Variants in ATP8B4 observed in about 807,000 individuals in gnomAD.
The protein encoded by ATP8B4 is ATPase phospholipid transporting 8B4 (putative).
A neutral mutation model predicts 145.6 loss-of-function variants in ATP8B4; 133 were observed. The observed-to-expected ratio is 0.91, with a 90% confidence interval of 0.79 to 1.05. The LOEUF (loss-of-function observed/expected upper bound fraction) is 1.05, where lower values mean the gene tolerates loss of function less well. Ranked by LOEUF, ATP8B4 falls within the 50% of genes least tolerant of loss-of-function variation. ATP8B4 has a pLI of 0.00. For synonymous variants in ATP8B4, 507 were observed against 492.9 expected (o/e 1.03, Z -0.38); for missense variants, 1,458 against 1,425.2 (o/e 1.02, Z -0.37).
At chr15:49,908,462 G>C (rs1017654430) in intron 20 of ATP8B4, among the ~76,000 whole-genome samples, 2 of 152,174 alleles carry the variant, frequency 1.3e-5, no homozygotes, top group East Asian at 3.8e-4. Context: ...GCTCTCCTGT[G>C]TAGGGAAAGT....
Position 49,962,006 on chromosome 15 carries a change from C to A in ATP8B4, c.1258G>T (p.Asp420Tyr), listed in dbSNP as rs200356051. The change falls in exon 14 of 28, where the codon GAC becomes TAC. Residue 420 changes from aspartate to tyrosine, a missense_variant. Asp to Tyr is a radical substitution (Grantham distance 160). Coordinates refer to ENST00000284509, the MANE Select transcript of ATP8B4 (RefSeq NM_024837.4). ...NGRIYGEVHDDLDQKTEITQE... is the reference protein window; with the variant it reads ...NGRIYGEVHDYLDQKTEITQE... ...GTTATTTCTGTCTTCTGATCCAGGT[C>A]ATCATGTACTTCACCTGACAAAACA... 2.0e-4 allele frequency: 315 copies of A among 1,593,336 alleles called. 1 individual carries two copies. In the East Asian group the frequency reaches 6.9e-3, roughly 35 times the overall value.
At chr15:49,867,770 C>T (rs921324180) in intron 25 of ATP8B4, among the ~76,000 whole-genome samples, 2 of 151,960 alleles carry the variant, frequency 1.3e-5, no homozygotes, top group Admixed American at 6.6e-5. Flanking sequence ...AATAAGACCC[C>T]GTAAGAAGAT....
intron 23 of ATP8B4, 102 bp from the exon 24 acceptor site, chr15:49,879,561 G>A: frequency 1.0e-6 from 1 of 983,542 alleles, no homozygotes; most frequent in Non-Finnish European, 1.5e-6. Flanking sequence ...GGTGGGAGTT[G>A]ACTTTTGGAA....
chr15:50,103,280 A>G (rs528944471), intron 2 of ATP8B4, among the ~76,000 whole-genome samples: 25 of 152,296 alleles, frequency 1.6e-4, no homozygotes, highest in Non-Finnish European at 2.4e-4. Context: ...AGGGCATCCA[A>G]ATCAGTAAAG....
At position 49,858,347 on chromosome 15, in the gene ATP8B4, A is replaced by G. The variant is rs944667496; in HGVS notation, c.*1847T>C. The G allele has an allele frequency of 3.3e-5, 5 of 152,224 alleles. No individual in the cohort carries two copies. The South Asian group carries it at 1.0e-3, about 31-fold the overall frequency. The allele number at this position is 152,224 out of a possible 1,614,324, so 9.4% of individuals were successfully genotyped here. On this transcript the variant is annotated 3_prime_UTR_variant, in exon 28 of 28. Transcript: ENST00000284509. ...GACAAATTAGACATTGAAAACCAAC[A>G]TCTGGTTAAGTGTAGGCAGGCATGT... is the stretch of plus-strand genomic sequence containing the variant.
At chr15:50,041,559 C>T (rs887406705) in intron 5 of ATP8B4, among the ~76,000 whole-genome samples, 7 of 152,192 alleles carry the variant, frequency 4.6e-5, no homozygotes, top group Non-Finnish European at 1.0e-4. Context: ...ACAACGGCAA[C>T]CTCACAGGAA....
intron 2 of ATP8B4, among the ~76,000 whole-genome samples, chr15:50,088,357 A>C (rs371406933): frequency 5.3e-4 from 80 of 151,626 alleles, no homozygotes; most frequent in African/African-American, 1.9e-3. Context: ...AAAAAAAAAC[A>C]AAAAACAAAC....
intron 6 of ATP8B4, among the ~76,000 whole-genome samples, chr15:50,030,345 T>A (rs776980360): frequency 7.2e-5 from 11 of 152,302 alleles, no homozygotes; most frequent in Non-Finnish European, 1.3e-4. Context: ...GATAAATGCA[T>A]CCTGGTTACA....
rs374287634 is a variant in ATP8B4 at position 49,860,831 on chromosome 15, C to A, written c.3298-356G>T. Among the ~76,000 whole-genome samples the A allele has an allele frequency of 3.9e-4, 60 of 152,288 alleles. 1 individual carries two copies. In the East Asian group the frequency reaches 7.1e-3, roughly 18 times the overall value. On this transcript the variant is annotated intron_variant, in intron 27 of 27. Coordinates refer to ENST00000284509, the MANE Select transcript of ATP8B4 (RefSeq NM_024837.4). ...TTATAATTTCATTCTCCCAAAACAG[C>A]CTTTTTCCTCTCTTTTAGAGATTCT...
At chr15:50,175,248 G>A (rs2044745102) in intron 1 of ATP8B4, among the ~76,000 whole-genome samples, 1 of 152,074 alleles carries the variant, frequency 6.6e-6, no homozygotes, top group African/African-American at 2.4e-5. Context: ...AGGATTTCAT[G>A]AACAAAAACC....
chr15:50,179,520 C>G (rs1052331368), intron 1 of ATP8B4, among the ~76,000 whole-genome samples: 1 of 152,138 alleles, frequency 6.6e-6, no homozygotes, highest in Non-Finnish European at 1.5e-5. Flanking sequence ...AAGATGGCAG[C>G]AATATTTCCA....
chr15:49,927,173 A>C (rs2040801685), intron 16 of ATP8B4, among the ~76,000 whole-genome samples: 1 of 152,106 alleles, frequency 6.6e-6, no homozygotes, highest in Non-Finnish European at 1.5e-5. Flanking sequence ...CCTCTGGAAA[A>C]AAATCCTTTA....
At chr15:49,917,148 G>T in intron 19 of ATP8B4, 109 bp from the exon 20 acceptor site, 2 of 988,362 alleles carry the variant, frequency 2.0e-6, no homozygotes, top group African/African-American at 1.6e-5. Context: ...CCTACAGGGG[G>T]CTGATGTCAG....
rs1055368934 is a variant in ATP8B4, at chr15:49,859,133, A to G, written c.*1061T>C. 3.3e-5 allele frequency: 5 copies of G among 152,340 alleles called. No homozygotes were observed. In the East Asian group the frequency reaches 7.7e-4, roughly 23 times the overall value. 9.4% of individuals were successfully genotyped at this position (152,340 alleles called of 1,614,324 possible). On this transcript the variant is annotated 3_prime_UTR_variant, in exon 28 of 28. Transcript: ENST00000284509. The stretch of plus-strand genomic sequence containing the variant: ...TGAAATTTGAGCTGCAACATCTCCA[A>G]AAAAACAACCTTACCTACATATGTT...
chr15:50,077,720 C>T (rs961595804), intron 2 of ATP8B4, among the ~76,000 whole-genome samples: 4 of 152,134 alleles, frequency 2.6e-5, no homozygotes, highest in African/African-American at 9.7e-5. Flanking sequence ...TTGGGATCTC[C>T]CACACCCCCT....
chr15:50,177,821 TCCCC>T (rs2044786003), intron 1 of ATP8B4, among the ~76,000 whole-genome samples: 1 of 152,184 alleles, frequency 6.6e-6, no homozygotes, highest in Non-Finnish European at 1.5e-5. Context: ...TTTAGCATGT[TCCCC>T]AGGTGATTCT....
At chr15:50,024,198 TTTG>T in intron 6 of ATP8B4, among the ~76,000 whole-genome samples, 1 of 152,306 alleles carries the variant, frequency 6.6e-6, no homozygotes, top group South Asian at 2.1e-4. Context: ...TAAGTCTGGA[TTTG>T]TCCACCCTGG....
At chr15:49,888,310 T>G (rs2036433219) in intron 23 of ATP8B4, among the ~76,000 whole-genome samples, 1 of 152,164 alleles carries the variant, frequency 6.6e-6, no homozygotes, top group Non-Finnish European at 1.5e-5. Context: ...GCCTTAAGAT[T>G]AGTCGCAGTC....
At chr15:49,923,785 G>T (rs2040470240) in intron 16 of ATP8B4, among the ~76,000 whole-genome samples, 1 of 152,102 alleles carries the variant, frequency 6.6e-6, no homozygotes, top group Admixed American at 6.5e-5. Flanking sequence ...TATTTCTGAA[G>T]GGTTGATACA....
Sources: gnomAD v4.1 joint callset for allele counts (sites outside exome capture counted in the v4.1 genomes callset) on GRCh38, gnomAD v4.1.1 for gene constraint, MANE v1.5 for transcripts, NCBI Gene and HGNC (gene_info 2026-07-23, HGNC 2026-07-21) for gene names.